Variants in STXBP4 observed in about 807,000 individuals in gnomAD.
The protein encoded by STXBP4 is syntaxin binding protein 4.
In STXBP4, 55 loss-of-function variants were observed where a neutral mutation model predicts 76.1. The observed-to-expected ratio is 0.72, with a 90% CI of 0.58 to 0.91. The LOEUF (loss-of-function observed/expected upper bound fraction) is 0.91, where lower values mean the gene tolerates loss of function less well. Ranked by LOEUF, STXBP4 falls within the 40% of genes least tolerant of loss-of-function variation. The pLI is 0.00. For synonymous variants in STXBP4, 201 were observed against 220.2 expected (o/e 0.91, Z 0.77); for missense variants, 618 against 636.9 (o/e 0.97, Z 0.32).
rs1180233131 is a variant in STXBP4 at position 55,004,745 on chromosome 17, C to CGGG, written c.575-2759_575-2757dup. The stretch of plus-strand genomic sequence containing the variant: ...AGGAGGAGGGGGAAGGAGGAGGAGG[C>CGGG]GGGGAGGAGGAGGAGAAGGAGACGG... On this transcript the variant is annotated intron_variant, in intron 7 of 17. Coordinates refer to ENST00000376352, the MANE Select transcript of STXBP4 (RefSeq NM_178509.6). Among the ~76,000 whole-genome samples the CGGG allele has an allele frequency of 5.1e-5, 7 of 136,812 alleles. 1 individual carries two copies. The highest frequency in any genetic ancestry group is 2.5e-4 in the South Asian group (1 of 4,040). 89.8% of individuals were successfully genotyped at this position (136,812 alleles called of 152,430 possible).
chr17:55,159,250 A>G (rs979262732), intron 17 of STXBP4, among the ~76,000 whole-genome samples: 1 of 151,960 alleles, frequency 6.6e-6, no homozygotes, highest in African/African-American at 2.4e-5. Context: ...TGTCTCAAAT[A>G]CATAAATAAA....
At chr17:55,043,391 T>A (rs1042227323) in intron 11 of STXBP4, 66 bp downstream of exon 11, 2 of 988,336 alleles carry the variant, frequency 2.0e-6, no homozygotes, top group Non-Finnish European at 2.8e-6. Flanking sequence ...AAATCCTATA[T>A]TGGATTCTGA....
At chr17:55,066,947 T>C (rs929984307) in intron 12 of STXBP4, among the ~76,000 whole-genome samples, 2 of 152,220 alleles carry the variant, frequency 1.3e-5, no homozygotes, top group East Asian at 1.9e-4. Flanking sequence ...TAGTTTATGA[T>C]TGTTATTTTA....
At chr17:55,152,217 C>T (rs984902471) in intron 17 of STXBP4, among the ~76,000 whole-genome samples, 1 of 152,082 alleles carries the variant, frequency 6.6e-6, no homozygotes, top group African/African-American at 2.4e-5. Flanking sequence ...TTATGGACCC[C>T]CCTTTCTGTG....
the STXBP4 span, among the ~76,000 whole-genome samples, chr17:55,199,302 G>A: frequency 1.3e-5 from 2 of 152,170 alleles, no homozygotes; most frequent in African/African-American, 4.8e-5. Flanking sequence ...TATTCTTGCT[G>A]AAAACAGTAC....
chr17:55,098,544 A>G (rs1598310589), intron 16 of STXBP4, among the ~76,000 whole-genome samples: 1 of 152,216 alleles, frequency 6.6e-6, no homozygotes, highest in East Asian at 1.9e-4. Context: ...AGTAAGCCAT[A>G]TAGCTCTCTG....
chr17:55,194,397 C>T, the STXBP4 span, among the ~76,000 whole-genome samples: 1 of 152,118 alleles, frequency 6.6e-6, no homozygotes, highest in Non-Finnish European at 1.5e-5. Context: ...AACACATACA[C>T]TATTCCGGAA....
the STXBP4 span, among the ~76,000 whole-genome samples, chr17:55,198,552 A>G: frequency 1.3e-5 from 2 of 152,234 alleles, no homozygotes; most frequent in Non-Finnish European, 2.9e-5. Flanking sequence ...GAAGTCTGAA[A>G]TCAAGATTTC....
chr17:55,098,003 AT>A (rs1444399712), intron 16 of STXBP4, among the ~76,000 whole-genome samples: 2 of 152,282 alleles, frequency 1.3e-5, no homozygotes, highest in East Asian at 3.9e-4. Flanking sequence ...TAATATCACC[AT>A]TATCATCATC....
intron 17 of STXBP4, among the ~76,000 whole-genome samples, chr17:55,159,134 A>T (rs1229322036): frequency 6.6e-6 from 1 of 152,172 alleles, no homozygotes; most frequent in Admixed American, 6.6e-5. Context: ...AGCCCTAGCT[A>T]CTTGGGAGGC....
At chr17:55,043,573 T>C in intron 11 of STXBP4, 1 of 1,516,228 alleles carries the variant, frequency 6.6e-7, no homozygotes, top group Non-Finnish European at 9.0e-7. Flanking sequence ...ATGTCTTCTG[T>C]TGAGGTTTCT....
intron 17 of STXBP4, among the ~76,000 whole-genome samples, chr17:55,147,026 G>A (rs1000026585): frequency 1.3e-5 from 2 of 152,168 alleles, no homozygotes; most frequent in Non-Finnish European, 2.9e-5. Context: ...CAGAAGGTAG[G>A]GATCATTGGG....
intron 10 of STXBP4, among the ~76,000 whole-genome samples, chr17:55,037,321 T>C (rs180823320): frequency 2.1e-3 from 319 of 152,284 alleles, no homozygotes; most frequent in Middle Eastern, 3.4e-3. Flanking sequence ...TTGGGTAGTT[T>C]ACAACAAGCC....
At chr17:55,194,184 G>A in the STXBP4 span, among the ~76,000 whole-genome samples, 1 of 152,106 alleles carries the variant, frequency 6.6e-6, no homozygotes, top group Admixed American at 6.6e-5. Context: ...CATACAACTT[G>A]CCCTGAATCA....
intron 16 of STXBP4, among the ~76,000 whole-genome samples, chr17:55,094,320 G>T (rs2079456062): frequency 6.6e-6 from 1 of 152,066 alleles, no homozygotes; most frequent in African/African-American, 2.4e-5. Flanking sequence ...GTCGTAGGAA[G>T]GCACAAGGAG....
At chr17:54,978,318 C>T (rs1442163699) in intron 1 of STXBP4, among the ~76,000 whole-genome samples, 1 of 144,582 alleles carries the variant, frequency 6.9e-6, no homozygotes, top group East Asian at 2.0e-4. Flanking sequence ...GTACTCTTCC[C>T]AATGCAATAA....
the STXBP4 span, among the ~76,000 whole-genome samples, chr17:55,196,334 A>C: frequency 1.3e-5 from 2 of 152,100 alleles, no homozygotes; most frequent in Non-Finnish European, 2.9e-5. Flanking sequence ...ATTCCCTGCC[A>C]CACACCCCAT....
At chr17:55,185,544 G>A in the STXBP4 span, among the ~76,000 whole-genome samples, 6 of 152,060 alleles carry the variant, frequency 3.9e-5, no homozygotes, top group African/African-American at 1.5e-4. Context: ...GAGAATATAT[G>A]AGGTCTTTAT....
intron 16 of STXBP4, among the ~76,000 whole-genome samples, chr17:55,090,843 GTGTGTGTGTGTC>G (rs1328298369): frequency 2.7e-5 from 2 of 73,390 alleles, no homozygotes; most frequent in African/African-American, 6.0e-5. Flanking sequence ...AATTGTGTGT[GTGTGTGTGTGTC>G]TGTGTGTGTG....
Sources: allele counts gnomAD v4.1 joint callset (sites outside exome capture counted in the v4.1 genomes callset), GRCh38; gene constraint gnomAD v4.1.1; transcripts MANE v1.5; gene names NCBI Gene and HGNC (gene_info 2026-07-23, HGNC 2026-07-21).